The following NRF1 variants were observed in gnomAD, a reference collection of about 807,000 sequenced individuals.
The protein encoded by NRF1 is alpha palindromic-binding protein.
In NRF1, 5 loss-of-function variants were observed where a neutral mutation model predicts 58.5. The observed-to-expected ratio is 0.09, with a 90% CI of 0.04 to 0.18. NRF1 has a LOEUF of 0.18. Among genes scored for constraint, NRF1 ranks in the 10% least tolerant of loss-of-function variants. The pLI is 1.00. For synonymous variants in NRF1, 224 were observed against 246.7 expected (o/e 0.91, Z 0.86); for missense variants, 288 against 657.7 (o/e 0.44, Z 6.15).
intron 8 of NRF1, among the ~76,000 whole-genome samples, chr7:129,711,832 A>G (rs955392015): frequency 6.6e-6 from 1 of 152,226 alleles, no homozygotes; most frequent in Non-Finnish European, 1.5e-5. Flanking sequence ...TATTATACAC[A>G]ATACAAAGGG....
At chr7:129,666,820 C>A (rs767949256) in intron 2 of NRF1, among the ~76,000 whole-genome samples, 3 of 152,106 alleles carry the variant, frequency 2.0e-5, no homozygotes, top group Admixed American at 1.3e-4. Flanking sequence ...CGAGAGCCAC[C>A]GCATCCAGCC....
chr7:129,738,404 CTT>C (rs1364186176), intron 10 of NRF1, among the ~76,000 whole-genome samples: 1 of 152,180 alleles, frequency 6.6e-6, no homozygotes, highest in Non-Finnish European at 1.5e-5. Context: ...AGCAGTGTCT[CTT>C]AGTGTCTTCC....
chr7:129,697,068 T>G (rs949345647), intron 5 of NRF1, among the ~76,000 whole-genome samples: 7 of 152,218 alleles, frequency 4.6e-5, no homozygotes, highest in African/African-American at 1.7e-4. Flanking sequence ...GTTAATTATA[T>G]GTATTGCCTA....
chr7:129,717,271 C>A lies in NRF1; in HGVS notation c.1118C>A (p.Thr373Lys). Reference protein sequence around the residue: ...LQGGEMTIQTTQASEATQAVA... With the variant: ...LQGGEMTIQTKQASEATQAVA... ...GGAGGTGAGATGACCATCCAGACGA[C>A]GCAAGCATCAGAGGCCACCCAGGCG... Residue 373 changes from threonine (T) to lysine (K), a missense_variant, in exon 9 of 11, where the codon ACG becomes AAG. Transcript: ENST00000393232. 1 of 1,613,780 alleles carries A rather than the reference C, an allele frequency of 6.2e-7. No homozygotes were observed. Among genetic ancestry groups the A allele is most frequent in the Non-Finnish European group, 8.5e-7 (1 of 1,179,874 alleles).
At chr7:129,629,781 CT>C (rs1408197288) in intron 1 of NRF1, among the ~76,000 whole-genome samples, 1 of 152,044 alleles carries the variant, frequency 6.6e-6, no homozygotes, top group East Asian at 1.9e-4. Context: ...CTTTTTTCTC[CT>C]TTTTATCGTG....
At chr7:129,634,866 A>G (rs139655495) in intron 1 of NRF1, among the ~76,000 whole-genome samples, 166 of 152,322 alleles carry the variant, frequency 1.1e-3, no homozygotes, top group African/African-American at 3.8e-3. Flanking sequence ...TTGCCCTGTG[A>G]TAGGATTACA....
At chr7:129,688,797 A>G (rs949838632) in intron 4 of NRF1, among the ~76,000 whole-genome samples, 34 of 152,306 alleles carry the variant, frequency 2.2e-4, no homozygotes, top group Admixed American at 1.9e-3. Flanking sequence ...CACGAGAACA[A>G]CATGGGAGAA....
intron 5 of NRF1, among the ~76,000 whole-genome samples, chr7:129,703,267 A>G (rs890012668): frequency 3.3e-5 from 5 of 152,184 alleles, no homozygotes; most frequent in African/African-American, 1.2e-4. Context: ...TCAGAATGAG[A>G]GTCCAGGAAA....
rs978694304 is a variant in NRF1 at position 129,741,884 on chromosome 7, C to G, written c.1349-13134C>G. On this transcript the variant is annotated intron_variant, in intron 10 of 10. Coordinates refer to ENST00000393232, the MANE Select transcript of NRF1 (RefSeq NM_005011.5). This position sits in a 1 kb window ranked among gnomAD's most constrained non-coding sequence, Gnocchi z 4.0. ...AGAGCAAATGTGCAGAACCCAACAG[C>G]AGCAGCAGCCTGGCAGAAGCAGTAA... Among the ~76,000 whole-genome samples the G allele has an allele frequency of 1.3e-5, 2 of 152,218 alleles. No individual in the cohort carries two copies. Among genetic ancestry groups the G allele is most frequent in the Non-Finnish European group, 2.9e-5 (2 of 68,050 alleles).
At chr7:129,635,199 A>G (rs1410089409) in intron 1 of NRF1, among the ~76,000 whole-genome samples, 1 of 152,228 alleles carries the variant, frequency 6.6e-6, no homozygotes, top group Non-Finnish European at 1.5e-5. Flanking sequence ...ATAGAATATA[A>G]TCTTCAGAGA....
chr7:129,720,361 G>A (rs3800602), intron 9 of NRF1, among the ~76,000 whole-genome samples: 6,478 of 152,230 alleles, frequency 0.043, 167 homozygotes, highest in Middle Eastern at 0.12. Context: ...CTTAACATTC[G>A]CTTCTTTGTG....
chr7:129,738,220 G>C (rs552301351), intron 10 of NRF1, among the ~76,000 whole-genome samples: 1 of 152,334 alleles, frequency 6.6e-6, no homozygotes, highest in African/African-American at 2.4e-5. Flanking sequence ...TAGAGGGGGA[G>C]GAGGGGATAG....
At chr7:129,731,611 CTTGTTTGT>C (rs71167211) in intron 10 of NRF1, among the ~76,000 whole-genome samples, 23,330 of 149,710 alleles carry the variant, frequency 0.16, 1,913 homozygotes, top group African/African-American at 0.22. Context: ...CCTTCCTTTA[CTTGTTTGT>C]TTGTTTGTTT....
At chr7:129,663,968 T>C (rs986697445) in intron 2 of NRF1, among the ~76,000 whole-genome samples, 14 of 151,992 alleles carry the variant, frequency 9.2e-5, no homozygotes, top group Non-Finnish European at 1.6e-4. Context: ...CCACCAAAAA[T>C]ACGAAAACCA....
At chr7:129,735,179 G>C in intron 10 of NRF1, 4 of 985,380 alleles carry the variant, frequency 4.1e-6, no homozygotes, top group Non-Finnish European at 4.8e-6. Flanking sequence ...GTTAAGACTA[G>C]GGTCTCAACC....
At chr7:129,651,947 T>G (rs977407155) in intron 1 of NRF1, among the ~76,000 whole-genome samples, 1 of 152,222 alleles carries the variant, frequency 6.6e-6, no homozygotes, top group African/African-American at 2.4e-5. Flanking sequence ...GCAAGAATAG[T>G]ACAAAGAATT....
intron 1 of NRF1, among the ~76,000 whole-genome samples, chr7:129,626,702 G>A (rs1321466157): frequency 6.6e-6 from 1 of 152,160 alleles, no homozygotes; most frequent in African/African-American, 2.4e-5. Flanking sequence ...ATACAAAAAG[G>A]GGAAGAAGTA....
chr7:129,685,074 A>G (rs1402973905), intron 4 of NRF1, among the ~76,000 whole-genome samples: 2 of 152,234 alleles, frequency 1.3e-5, no homozygotes, highest in Non-Finnish European at 2.9e-5. Flanking sequence ...CATACCTCAG[A>G]TGATAATGTG....
rs1584608801 is a variant in NRF1 at position 129,651,671 on chromosome 7, T to C, written c.-6-5675T>C. On this transcript the variant is annotated intron_variant, in intron 1 of 10. Coordinates refer to ENST00000393232, the MANE Select transcript of NRF1 (RefSeq NM_005011.5). ...AAAATAATTCTGAAGTACCCAGAAT[T>C]CTAAAATGCCCTAAGCAGTTTGTCT... Among the ~76,000 whole-genome samples, 8 of 152,280 alleles carry C rather than the reference T, an allele frequency of 5.3e-5. 1 individual carries two copies. The highest frequency in any genetic ancestry group is 5.2e-4 in the Admixed American group (8 of 15,286).
Sources: allele counts gnomAD v4.1 joint callset (sites outside exome capture counted in the v4.1 genomes callset), GRCh38; gene constraint gnomAD v4.1.1; non-coding constraint Gnocchi (gnomAD v3.1); transcripts MANE v1.5; gene names NCBI Gene and HGNC (gene_info 2026-07-23, HGNC 2026-07-21).